Variants in SLC9A9 observed in about 807,000 individuals in gnomAD.
SLC9A9 encodes solute carrier family 9 member A9.
Under a neutral mutation model 77.8 loss-of-function variants are expected in SLC9A9, and 62 were observed. The ratio of observed to expected loss-of-function variants is 0.80; its 90% CI spans 0.65 to 0.98. The LOEUF (loss-of-function observed/expected upper bound fraction) is 0.98. Ranked by LOEUF, SLC9A9 falls within the 50% of genes least tolerant of loss-of-function variation. The pLI, the probability that SLC9A9 is intolerant of heterozygous loss-of-function variation, is 0.00. For synonymous variants in SLC9A9, 320 were observed against 283.5 expected (o/e 1.13, Z -1.29); for missense variants, 775 against 774.9 (o/e 1.00, Z 0.00).
At chr3:143,630,340 A>G (rs2038401415) in intron 6 of SLC9A9, among the ~76,000 whole-genome samples, 1 of 152,218 alleles carries the variant, frequency 6.6e-6, no homozygotes, top group Non-Finnish European at 1.5e-5. Context: ...TGTCTCAAGA[A>G]CTGCAGAGCT....
chr3:143,414,685 T>C (rs1016016782), intron 12 of SLC9A9, among the ~76,000 whole-genome samples: 1 of 152,174 alleles, frequency 6.6e-6, no homozygotes, highest in Non-Finnish European at 1.5e-5. Flanking sequence ...GCTAGCTGTT[T>C]CCCTCTCTCT....
intron 12 of SLC9A9, among the ~76,000 whole-genome samples, chr3:143,459,479 A>C (rs2035151235): frequency 6.6e-6 from 1 of 152,106 alleles, no homozygotes; most frequent in Non-Finnish European, 1.5e-5. Context: ...TGGTTGTTCC[A>C]ATGTCAGTTA....
chr3:143,518,240 T>C (rs1404248012), intron 9 of SLC9A9: 6 of 1,590,212 alleles, frequency 3.8e-6, no homozygotes, highest in Non-Finnish European at 5.1e-6. Flanking sequence ...GGCAGGGAGG[T>C]GGTGGGCGAA....
intron 14 of SLC9A9, among the ~76,000 whole-genome samples, chr3:143,329,116 G>A (rs1342012906): frequency 5.9e-5 from 9 of 152,282 alleles, no homozygotes; most frequent in East Asian, 5.8e-4. Context: ...CAGCCTTAGC[G>A]CAGCCATAAC....
chr3:143,659,360 C>A (rs2038946040), intron 5 of SLC9A9, among the ~76,000 whole-genome samples: 1 of 152,150 alleles, frequency 6.6e-6, no homozygotes, highest in Non-Finnish European at 1.5e-5. Context: ...GTTTAAAAGA[C>A]AACTGTGTTA....
chr3:143,325,227 C>G (rs529723247), intron 14 of SLC9A9, among the ~76,000 whole-genome samples: 2 of 152,286 alleles, frequency 1.3e-5, no homozygotes, highest in African/African-American at 4.8e-5. Flanking sequence ...AGATTATCCA[C>G]ACCTGTAAAA....
chr3:143,300,943 C>T (rs2030491796), intron 14 of SLC9A9, among the ~76,000 whole-genome samples: 1 of 152,128 alleles, frequency 6.6e-6, no homozygotes, highest in Admixed American at 6.5e-5. Context: ...CCTTTTAAAC[C>T]TTTATTTTAA....
At chr3:143,640,024 T>TC (rs1278816716) in intron 6 of SLC9A9, among the ~76,000 whole-genome samples, 3 of 27,936 alleles carry the variant, frequency 1.1e-4, no homozygotes, top group Admixed American at 3.2e-4. Flanking sequence ...TTTTTCTTTT[T>TC]TTTTTTTTTT....
chr3:143,696,033 A>G (rs987460791), intron 4 of SLC9A9, among the ~76,000 whole-genome samples: 12 of 152,120 alleles, frequency 7.9e-5, no homozygotes, highest in Non-Finnish European at 1.3e-4. Flanking sequence ...TTCTTTGTAG[A>G]TTCTGGATAT....
chr3:143,512,133 G>C (rs2036126343), intron 9 of SLC9A9, among the ~76,000 whole-genome samples: 2 of 152,300 alleles, frequency 1.3e-5, no homozygotes, highest in South Asian at 4.1e-4. Context: ...ATATCATAAT[G>C]CTCCATAAAT....
intron 4 of SLC9A9, among the ~76,000 whole-genome samples, chr3:143,791,480 C>A (rs968127534): frequency 6.6e-6 from 1 of 152,152 alleles, no homozygotes; most frequent in Non-Finnish European, 1.5e-5. Context: ...CTCTCCATGG[C>A]CTTCATGTTC....
chr3:143,682,856 G>A (rs6782154), intron 5 of SLC9A9, among the ~76,000 whole-genome samples: 140,536 of 152,218 alleles, frequency 0.92, 64,919 homozygotes, highest in South Asian at 0.94. Context: ...GAAAAGTTCT[G>A]CAACTTTCAG....
intron 5 of SLC9A9, among the ~76,000 whole-genome samples, chr3:143,669,772 C>T (rs2039130046): frequency 6.6e-6 from 1 of 152,182 alleles, no homozygotes; most frequent in African/African-American, 2.4e-5. Context: ...GCTACTTAAC[C>T]TCATTAAGCT....
At chr3:143,626,426 T>C (rs1482789474) in intron 6 of SLC9A9, among the ~76,000 whole-genome samples, 12 of 152,092 alleles carry the variant, frequency 7.9e-5, no homozygotes, top group Admixed American at 7.9e-4. Context: ...CCATGGAATA[T>C]TATGCAGCCA....
intron 9 of SLC9A9, among the ~76,000 whole-genome samples, chr3:143,515,578 C>T (rs764373956): frequency 3.3e-5 from 5 of 152,054 alleles, no homozygotes; most frequent in Non-Finnish European, 5.9e-5. Flanking sequence ...AAGTTCTTCC[C>T]TTTTATACCT....
chr3:143,419,106 C>T (rs940703530), intron 12 of SLC9A9, among the ~76,000 whole-genome samples: 12 of 152,134 alleles, frequency 7.9e-5, no homozygotes, highest in Non-Finnish European at 1.6e-4. Context: ...AACCCATTTT[C>T]TTAGTTTATG....
At chr3:143,841,234 G>C (rs961299878) in intron 1 of SLC9A9, among the ~76,000 whole-genome samples, 1 of 151,948 alleles carries the variant, frequency 6.6e-6, no homozygotes, top group African/African-American at 2.4e-5. Flanking sequence ...ACACACCTAC[G>C]TTTAAGATAG....
chr3:143,364,635 G>A (rs1559884042), intron 13 of SLC9A9, among the ~76,000 whole-genome samples: 2 of 152,130 alleles, frequency 1.3e-5, no homozygotes, highest in African/African-American at 4.8e-5. Flanking sequence ...GACACAAAAG[G>A]CTGTGTTCTA....
chr3:143,395,910 C>T (rs1375964188), intron 12 of SLC9A9, among the ~76,000 whole-genome samples: 8 of 152,230 alleles, frequency 5.3e-5, no homozygotes, highest in Non-Finnish European at 1.2e-4. Context: ...TACCATCTCA[C>T]ACCAGTTAGA....
Sources: allele counts gnomAD v4.1 joint callset (sites outside exome capture counted in the v4.1 genomes callset), GRCh38; gene constraint gnomAD v4.1.1; transcripts MANE v1.5; gene names NCBI Gene and HGNC (gene_info 2026-07-23, HGNC 2026-07-21).